GLT1D1: variants seen among roughly 807,000 people sequenced by gnomAD.
The protein encoded by GLT1D1 is glycosyltransferase 1 domain containing 1.
In GLT1D1, 21 loss-of-function variants were observed where a neutral mutation model predicts 28.7. The ratio of observed to expected loss-of-function variants is 0.73; its 90% confidence interval spans 0.52 to 1.05. GLT1D1 has a LOEUF of 1.05. Ranked by LOEUF, GLT1D1 falls within the 50% of genes least tolerant of loss-of-function variation. The pLI, the probability that GLT1D1 is intolerant of heterozygous loss-of-function variation, is 0.00. For synonymous variants in GLT1D1, 147 were observed against 124.8 expected, an observed-to-expected ratio of 1.18 and a Z score of -1.19; for missense variants, 343 against 330.6, an observed-to-expected ratio of 1.04 and a Z score of -0.29.
chr12:128,924,079 G>C (rs1208463106), intron 4 of GLT1D1, among the ~76,000 whole-genome samples: 2 of 152,076 alleles, frequency 1.3e-5, no homozygotes, highest in African/African-American at 2.4e-5. Context: ...ACTGGGTCCT[G>C]CATGAGCTCA....
At chr12:128,906,216 T>C (rs1297906937) in intron 4 of GLT1D1, among the ~76,000 whole-genome samples, 2 of 152,228 alleles carry the variant, frequency 1.3e-5, no homozygotes, top group African/African-American at 4.8e-5. Context: ...GAAATATATG[T>C]TGTGGGAAGT....
At chr12:128,926,563 G>A (rs984098616) in intron 4 of GLT1D1, 109 bp downstream of exon 7, 21 of 620,062 alleles carry the variant, frequency 3.4e-5, no homozygotes, top group Middle Eastern at 2.5e-4. Context: ...TTCTTTGCAC[G>A]TGAGCAGAAC....
chr12:128,947,961 C>A (rs189089350), intron 6 of GLT1D1, among the ~76,000 whole-genome samples: 4 of 152,126 alleles, frequency 2.6e-5, no homozygotes, highest in African/African-American at 9.7e-5. Flanking sequence ...TGGATCTGAT[C>A]TCTTCATCTA....
At chr12:128,958,586 C>CAAAAAAAAA (rs1164628353) in intron 7 of GLT1D1, among the ~76,000 whole-genome samples, 1 of 74,438 alleles carries the variant, frequency 1.3e-5, no homozygotes, top group Non-Finnish European at 2.4e-5. Context: ...ATTAAAAAGA[C>CAAAAAAAAA]AAAAAAAAAA....
intron 2 of GLT1D1, among the ~76,000 whole-genome samples, chr12:128,886,611 T>C (rs1868415133): frequency 1.4e-5 from 2 of 144,336 alleles, no homozygotes; most frequent in South Asian, 4.3e-4. Flanking sequence ...CCTTCCTCCA[T>C]GTCCAGAGCC....
intron 6 of GLT1D1, 79 bp from the exon 11 acceptor site, chr12:128,957,466 C>A: frequency 1.1e-6 from 1 of 898,314 alleles, no homozygotes; most frequent in Non-Finnish European, 1.8e-6. Flanking sequence ...AGAAGTTATT[C>A]TGCCCCGCCC....
At chr12:128,918,218 A>G (rs748005074) in intron 4 of GLT1D1, among the ~76,000 whole-genome samples, 50 of 152,216 alleles carry the variant, frequency 3.3e-4, no homozygotes, top group Non-Finnish European at 6.5e-4. Flanking sequence ...ACAGAAAACC[A>G]AACACCGCAT....
chr12:128,936,156 CTTT>C (rs34046835), intron 4 of GLT1D1, among the ~76,000 whole-genome samples: 4 of 138,716 alleles, frequency 2.9e-5, no homozygotes, highest in Non-Finnish European at 1.5e-5. Flanking sequence ...AATAAAATAT[CTTT>C]TTTTTTTTTT....
At chr12:128,968,900 C>T (rs1447823278) in intron 7 of GLT1D1, among the ~76,000 whole-genome samples, 5 of 152,078 alleles carry the variant, frequency 3.3e-5, no homozygotes. Context: ...ACAAATGGCC[C>T]TGCTCTCCCC....
At chr12:128,978,537 CTCT>C (rs773697275) in intron 7 of GLT1D1, among the ~76,000 whole-genome samples, 7 of 152,166 alleles carry the variant, frequency 4.6e-5, no homozygotes, top group Admixed American at 1.3e-4. Flanking sequence ...TCCTAGTGTT[CTCT>C]TCTTAGAAGG....
At chr12:128,940,471 T>C (rs1875083743) in intron 4 of GLT1D1, among the ~76,000 whole-genome samples, 2 of 152,172 alleles carry the variant, frequency 1.3e-5, no homozygotes, top group Admixed American at 1.3e-4. Flanking sequence ...TGAGGCTAGT[T>C]TGGTGCCTGG....
chr12:128,919,933 T>G (rs1297132061), intron 4 of GLT1D1, among the ~76,000 whole-genome samples: 1 of 151,920 alleles, frequency 6.6e-6, no homozygotes, highest in Non-Finnish European at 1.5e-5. Flanking sequence ...TTTCTAGTTT[T>G]ATTGCTTATT....
intron 3 of GLT1D1, among the ~76,000 whole-genome samples, chr12:128,896,076 A>G (rs1027313030): frequency 2.6e-5 from 4 of 152,104 alleles, no homozygotes; most frequent in Admixed American, 6.6e-5. Context: ...GCACAGTTTC[A>G]ATGGTGCAGT....
rs1175053585 is a variant in GLT1D1, at chr12:128,984,422, A to G, written c.*1332A>G. The G allele has an allele frequency of 6.6e-6, 1 of 152,104 alleles. No individual in the cohort carries two copies. The highest frequency in any genetic ancestry group is 2.4e-5 in the African/African-American group (1 of 41,374). The allele number at this position is 152,104 out of a possible 1,614,324, so 9.4% of individuals were successfully genotyped here. A position where few individuals can be genotyped will look rare whatever the true frequency, so the allele number is the denominator to read the frequency against. ...TAAACTCTGATGCCCTGGGGATGAG[A>G]ACAACTAGCTTGGATCTCGTGCCGT... On this transcript the variant is annotated 3_prime_UTR_variant, in exon 8 of 8. Coordinates refer to ENST00000281703, the MANE Select transcript of GLT1D1 (RefSeq NM_144669.3).
At chr12:128,917,228 G>A (rs1872191178) in intron 4 of GLT1D1, among the ~76,000 whole-genome samples, 1 of 152,132 alleles carries the variant, frequency 6.6e-6, no homozygotes, top group South Asian at 2.1e-4. Flanking sequence ...GTAATAGTAA[G>A]TCTAGAAACC....
intron 5 of GLT1D1, among the ~76,000 whole-genome samples, chr12:128,945,820 T>C (rs1311377858): frequency 1.3e-5 from 2 of 152,188 alleles, no homozygotes; most frequent in African/African-American, 4.8e-5. Context: ...CCCTGAGACC[T>C]CAGGGATTTG....
chr12:128,940,000 G>GTA (rs895138222), intron 4 of GLT1D1, among the ~76,000 whole-genome samples: 10 of 151,742 alleles, frequency 6.6e-5, no homozygotes, highest in African/African-American at 2.2e-4. Flanking sequence ...ACATATGTGT[G>GTA]CATATATAAG....
intron 4 of GLT1D1, among the ~76,000 whole-genome samples, chr12:128,908,732 G>A (rs1243325883): frequency 2.6e-5 from 4 of 151,774 alleles, no homozygotes; most frequent in Non-Finnish European, 5.9e-5. Context: ...GGCGGATCAC[G>A]AGGTCAGGAG....
At chr12:128,962,058 C>G (rs953492199) in intron 7 of GLT1D1, among the ~76,000 whole-genome samples, 2 of 139,154 alleles carry the variant, frequency 1.4e-5, no homozygotes, top group Non-Finnish European at 3.1e-5. Flanking sequence ...TGTCCTATGG[C>G]GGCCCCATGT....
Sources: gnomAD v4.1 joint callset for allele counts (sites outside exome capture counted in the v4.1 genomes callset) on GRCh38, gnomAD v4.1.1 for gene constraint, MANE v1.5 for transcripts, NCBI Gene and HGNC (gene_info 2026-07-23, HGNC 2026-07-21) for gene names.